WDR72: variants seen among roughly 807,000 people sequenced by gnomAD.
WDR72 encodes WD repeat domain 72, also known as WD repeat-containing protein 72.
A neutral mutation model predicts 124.2 loss-of-function variants in WDR72; 120 were observed. The observed-to-expected ratio is 0.97, with a 90% CI of 0.83 to 1.12. The LOEUF (loss-of-function observed/expected upper bound fraction) is 1.12. WDR72 is among the 50% of genes most tolerant of loss of function. WDR72 has a pLI of 0.00. For synonymous variants in WDR72, 452 were observed against 441.7 expected, an observed-to-expected ratio of 1.02 and a Z score of -0.29; for missense variants, 1,387 against 1,278.8, an observed-to-expected ratio of 1.08 and a Z score of -1.29.
At chr15:53,710,148 G>C (rs1459621738) in intron 9 of WDR72, among the ~76,000 whole-genome samples, 2 of 152,118 alleles carry the variant, frequency 1.3e-5, no homozygotes, top group Non-Finnish European at 2.9e-5. Flanking sequence ...AATTATATTT[G>C]TTTTAACAAG....
At chr15:53,598,821 G>A (rs924576308) in intron 17 of WDR72, among the ~76,000 whole-genome samples, 2 of 152,160 alleles carry the variant, frequency 1.3e-5, no homozygotes, top group Non-Finnish European at 2.9e-5. Flanking sequence ...ATCATGTAAT[G>A]AGATATTTAA....
At chr15:53,651,655 T>C (rs1205733519) in intron 14 of WDR72, among the ~76,000 whole-genome samples, 2 of 152,128 alleles carry the variant, frequency 1.3e-5, no homozygotes, top group Non-Finnish European at 1.5e-5. Context: ...TGTTTGTTTG[T>C]TTGTTTGTTT....
Position 53,654,685 on chromosome 15 carries a change from T to A in WDR72, c.1962+10887A>T, listed in dbSNP as rs1000450378. Among the ~76,000 whole-genome samples the A allele has an allele frequency of 2.0e-5, 3 of 152,316 alleles. No homozygotes were observed. The South Asian group carries it at 6.2e-4, about 32-fold the overall frequency. On this transcript the variant is annotated intron_variant, in intron 14 of 19. Coordinates refer to ENST00000360509, the MANE Select transcript of WDR72 (RefSeq NM_182758.4). ...TTTCTGTAACTAATCTCAGTAGCTA[T>A]CTTGATTAAGATAGAAGGTAGACCA...
At chr15:53,539,016 G>T (rs888267824) in intron 18 of WDR72, among the ~76,000 whole-genome samples, 3 of 151,990 alleles carry the variant, frequency 2.0e-5, no homozygotes, top group African/African-American at 4.8e-5. Flanking sequence ...AGTGGGTCAA[G>T]TTACTCATAA....
At position 53,523,222 on chromosome 15, in the gene WDR72, ACT is replaced by A; in HGVS notation, c.3247_3248del (p.Pro1084ArgfsTer2). 6.2e-7 allele frequency: 1 copy of A among 1,612,590 alleles called. No homozygotes were observed. Among genetic ancestry groups the A allele is most frequent in the East Asian group, 2.2e-5 (1 of 44,826 alleles). On this transcript the variant is annotated frameshift_variant, in exon 19 of 20. Transcript: ENST00000360509. LOFTEE classifies it high-confidence loss of function. ...CTATTTTTAAATGGCTTTCACCTGG[ACT>A]CTCAGACTCTTCCAAGGCACATCTG... ...PDRCALEESESPGEPRHHSWI... is the reference protein window; with the variant it reads ...PDRCALEESEXPGEPRHHSWI...
chr15:53,572,400 C>T (rs938623368), intron 18 of WDR72, among the ~76,000 whole-genome samples: 4 of 132,552 alleles, frequency 3.0e-5, no homozygotes, highest in Non-Finnish European at 6.6e-5. Flanking sequence ...TTTTTGTATA[C>T]GGTGTGAGAT....
intron 17 of WDR72, among the ~76,000 whole-genome samples, chr15:53,598,942 G>A (rs2012910968): frequency 1.3e-5 from 2 of 151,930 alleles, no homozygotes; most frequent in South Asian, 4.2e-4. Context: ...TGGTTGACAT[G>A]GTGAAACCCC....
At chr15:53,562,622 G>C (rs1036274748) in intron 18 of WDR72, among the ~76,000 whole-genome samples, 2 of 151,718 alleles carry the variant, frequency 1.3e-5, no homozygotes, top group African/African-American at 4.8e-5. Flanking sequence ...AAATTGAAAA[G>C]TTATGAATAA....
chr15:53,590,252 C>A (rs185217545), intron 18 of WDR72, among the ~76,000 whole-genome samples: 27 of 152,036 alleles, frequency 1.8e-4, no homozygotes, highest in African/African-American at 6.5e-4. Flanking sequence ...ATGTGTATGC[C>A]AAATCTTGTA....
chr15:53,669,366 G>A (rs1283436425), intron 13 of WDR72, among the ~76,000 whole-genome samples: 3 of 152,110 alleles, frequency 2.0e-5, no homozygotes, highest in East Asian at 3.9e-4. Context: ...GCAAGGTCAG[G>A]AACTTAGCCC....
intron 14 of WDR72, among the ~76,000 whole-genome samples, chr15:53,665,316 C>A (rs1371668914): frequency 2.0e-5 from 3 of 151,976 alleles, no homozygotes; most frequent in African/African-American, 7.3e-5. Context: ...TGTTAAATCA[C>A]CTAGGATTCA....
At position 53,519,363 on chromosome 15, in the gene WDR72, A is replaced by G. The variant is rs569492786; in HGVS notation, c.3254-1609T>C. Among the ~76,000 whole-genome samples the G allele has an allele frequency of 1.8e-4, 27 of 152,222 alleles. No individual in the cohort carries two copies. In the South Asian group the frequency reaches 5.6e-3, roughly 32 times the overall value. On this transcript the variant is annotated intron_variant, in intron 19 of 19. Coordinates refer to ENST00000360509, the MANE Select transcript of WDR72 (RefSeq NM_182758.4). ...GAAGCAACCAGGCCTTAAAGAGCCAAAGAAAGAAAGCCTAATGGCCCTAAA... is the reference window on the plus strand; with the variant it reads ...GAAGCAACCAGGCCTTAAAGAGCCAGAGAAAGAAAGCCTAATGGCCCTAAA...
intron 14 of WDR72, among the ~76,000 whole-genome samples, chr15:53,623,651 T>C (rs150146169): frequency 3.0e-4 from 46 of 152,190 alleles, no homozygotes; most frequent in African/African-American, 1.1e-3. Flanking sequence ...TAGAACTTTA[T>C]TTTCTTTCCC....
rs141017794 is a variant in WDR72, at chr15:53,744,248, A to G, written c.-12-11087T>C. The stretch of plus-strand genomic sequence containing the variant: ...AAACTTTCAACCTGGTGTATACGAA[A>G]ATAATTATTTTCTATGTTTATGCTT... On this transcript the variant is annotated intron_variant, in intron 1 of 19. Coordinates refer to ENST00000360509, the MANE Select transcript of WDR72 (RefSeq NM_182758.4). Among the ~76,000 whole-genome samples the G allele has an allele frequency of 1.5e-3, 228 of 152,318 alleles. 2 individuals are homozygous for G. The highest frequency in any genetic ancestry group is 5.4e-3 in the African/African-American group (224 of 41,564).
intron 18 of WDR72, among the ~76,000 whole-genome samples, chr15:53,566,953 T>C (rs950510447): frequency 6.6e-6 from 1 of 151,934 alleles, no homozygotes; most frequent in South Asian, 2.1e-4. Flanking sequence ...GCTGAGAGTC[T>C]TGATACATTT....
At chr15:53,623,463 GCTA>G (rs1469601322) in intron 14 of WDR72, among the ~76,000 whole-genome samples, 2 of 150,566 alleles carry the variant, frequency 1.3e-5, no homozygotes, top group African/African-American at 4.9e-5. Flanking sequence ...CTTTTTTATG[GCTA>G]AATAGCATTA....
intron 14 of WDR72, among the ~76,000 whole-genome samples, chr15:53,647,701 A>G (rs944329301): frequency 6.6e-6 from 1 of 152,134 alleles, no homozygotes; most frequent in African/African-American, 2.4e-5. Context: ...CCAGGTTGGT[A>G]CATTGAGTGA....
intron 2 of WDR72, among the ~76,000 whole-genome samples, chr15:53,723,572 T>C (rs1485056066): frequency 6.6e-6 from 1 of 152,076 alleles, no homozygotes; most frequent in African/African-American, 2.4e-5. Context: ...CAGAGATAAA[T>C]AAAATGTGTC....
chr15:53,679,580 T>C (rs1351063077), intron 13 of WDR72, among the ~76,000 whole-genome samples: 4 of 152,088 alleles, frequency 2.6e-5, no homozygotes, highest in African/African-American at 9.7e-5. Flanking sequence ...GGCAGAGTGA[T>C]TGCAGACAAG....
Sources: allele counts gnomAD v4.1 joint callset (sites outside exome capture counted in the v4.1 genomes callset), GRCh38; gene constraint gnomAD v4.1.1; transcripts MANE v1.5; gene names NCBI Gene and HGNC (gene_info 2026-07-23, HGNC 2026-07-21).